Variants in WDFY3 observed in about 807,000 individuals in gnomAD.
WDFY3 encodes WD repeat and FYVE domain containing 3.
Under a neutral mutation model 409.6 loss-of-function variants are expected in WDFY3, and 66 were observed. The ratio of observed to expected loss-of-function variants is 0.16; its 90% CI spans 0.13 to 0.20. WDFY3 has a LOEUF of 0.20. Among genes scored for constraint, WDFY3 ranks in the 10% least tolerant of loss-of-function variants. The probability of loss-of-function intolerance (pLI) is 1.00; values close to 1 mark genes in which losing one functional copy is unlikely to be tolerated. For synonymous variants in WDFY3, 1,521 were observed against 1,537.1 expected, an observed-to-expected ratio of 0.99 and a Z score of 0.25; for missense variants, 3,031 against 4,298.1, an observed-to-expected ratio of 0.71 and a Z score of 8.24.
rs1441946454 is a variant in WDFY3 at position 84,892,545 on chromosome 4, A to G, written c.-32+4366T>C. Among the ~76,000 whole-genome samples the G allele has an allele frequency of 3.9e-5, 6 of 152,322 alleles. No individual in the cohort carries two copies. The East Asian group carries it at 1.2e-3, about 29-fold the overall frequency. ...TTCCTATGCATCAGGTTCAAAATAAAGACCACTTATTGCTATTGGCTGATA... is the reference window on the plus strand; with the variant it reads ...TTCCTATGCATCAGGTTCAAAATAAGGACCACTTATTGCTATTGGCTGATA... On this transcript the variant is annotated intron_variant, in intron 3 of 67. Transcript: ENST00000295888.
rs760196866 is a variant in WDFY3, at chr4:84,721,548, C to T, written c.7466G>A (p.Arg2489His). 6 of 1,607,998 alleles carry T rather than the reference C, an allele frequency of 3.7e-6. No homozygotes were observed. Among genetic ancestry groups the T allele is most frequent in the African/African-American group, 1.3e-5 (1 of 74,876 alleles). ...VKGLVKPPLK[R>H]SRSAPDGGDE... Reference sequence around the variant, plus strand: ...TCCTCCATCAGGTGCAGATCGGGAGCGTTTTAGAGGAGGCTTGACCAAACC... The same window carrying T: ...TCCTCCATCAGGTGCAGATCGGGAGTGTTTTAGAGGAGGCTTGACCAAACC... The change falls in exon 47 of 68, where the codon CGC (arginine) becomes CAC (histidine). Residue 2489 changes from arginine to histidine, a missense_variant. By Grantham distance (29) the Arg-to-His change is conservative (BLOSUM62 0). Coordinates refer to ENST00000295888, the MANE Select transcript of WDFY3 (RefSeq NM_014991.6).
At chr4:84,726,177 C>G (rs982755298) in intron 45 of WDFY3, among the ~76,000 whole-genome samples, 5 of 152,022 alleles carry the variant, frequency 3.3e-5, no homozygotes, top group African/African-American at 1.2e-4. Context: ...ATGGGCAAGA[C>G]AATGAATTAA....
At position 84,796,540 on chromosome 4, in the gene WDFY3, T is replaced by C; in HGVS notation, c.3148A>G (p.Thr1050Ala). ...TCTTACCCAAACCCTTCAAGTGATG[T>C]GTCAAATTCAACAAAAGCTGGAGTA... The part of the protein sequence containing the change: ...SVTPAFVEFD[T>A]SLEGFGCLFL... The change falls in exon 19 of 68, where the codon ACA becomes GCA. Residue 1050 changes from threonine (T) to alanine (A), a missense_variant. Thr to Ala is a moderately conservative substitution (Grantham distance 58). Transcript: ENST00000295888. 1 of 1,596,640 alleles carries C rather than the reference T, an allele frequency of 6.3e-7. No homozygotes were observed. The highest frequency in any genetic ancestry group is 8.5e-7 in the Non-Finnish European group (1 of 1,170,078).
intron 47 of WDFY3, 91 bp from the exon 48 acceptor site, chr4:84,718,661 T>C: frequency 7.0e-7 from 1 of 1,423,414 alleles, no homozygotes; most frequent in East Asian, 2.3e-5. Flanking sequence ...GAGCTAAGCA[T>C]ATTAAATCAG....
At chr4:84,954,695 A>T (rs977335709) in intron 1 of WDFY3, among the ~76,000 whole-genome samples, 1 of 152,232 alleles carries the variant, frequency 6.6e-6, no homozygotes, top group Non-Finnish European at 1.5e-5. Context: ...ATGTTTACTG[A>T]AAGTCAATCA....
Position 84,678,210 on chromosome 4 carries a change from T to C in WDFY3, c.10217A>G (p.Asp3406Gly). ...LTMHTAFDRK[D>G]NAHPAEVTAL... ...AGTGACCTCAGCTGGGTGTGCATTG[T>C]CCTTTCGATCAAAGGCTGTGTGCAT... The change falls in exon 66 of 68, where the codon GAC (aspartate) becomes GGC (glycine). Residue 3406 changes from aspartate (D) to glycine (G), a missense_variant. This residue lies in a region of WDFY3 where 378 missense variants were observed against 477.3 expected (regional missense o/e 0.79). Transcript: ENST00000295888. 2 of 1,614,128 alleles carry C rather than the reference T, an allele frequency of 1.2e-6. No homozygotes were observed. Among genetic ancestry groups the C allele is most frequent in the South Asian group, 1.1e-5 (1 of 91,090 alleles).
At chr4:84,721,305 C>A in intron 47 of WDFY3, 104 bp downstream of exon 47, 2 of 1,450,186 alleles carry the variant, frequency 1.4e-6, no homozygotes, top group Non-Finnish European at 1.9e-6. Flanking sequence ...ATTTTATTAC[C>A]GAGGCTAATG....
chr4:84,797,860 C>T (rs1361383046), intron 18 of WDFY3, 136 bp downstream of exon 18: 7 of 747,390 alleles, frequency 9.4e-6, no homozygotes, highest in East Asian at 6.1e-5. Flanking sequence ...CGTGAGCCAC[C>T]GCGCCGGGCC....
chr4:84,683,606 C>G (rs1727775300), intron 63 of WDFY3, among the ~76,000 whole-genome samples: 1 of 152,124 alleles, frequency 6.6e-6, no homozygotes, highest in South Asian at 2.1e-4. Flanking sequence ...TATGTTTTCC[C>G]TACGAAGCCA....
intron 67 of WDFY3, among the ~76,000 whole-genome samples, chr4:84,676,752 G>A (rs1578094198): frequency 6.6e-6 from 1 of 152,076 alleles, no homozygotes; most frequent in South Asian, 2.1e-4. Flanking sequence ...TTACAGAAGG[G>A]CAAAAACAGT....
intron 36 of WDFY3, among the ~76,000 whole-genome samples, chr4:84,749,257 A>G (rs1437235246): frequency 6.6e-6 from 1 of 152,188 alleles, no homozygotes; most frequent in Non-Finnish European, 1.5e-5. Context: ...TCATATGTTT[A>G]TAATTTATTC....
At chr4:84,789,968 C>T in intron 21 of WDFY3, 61 bp from the exon 22 acceptor site, 1 of 1,533,804 alleles carries the variant, frequency 6.5e-7, no homozygotes, top group Non-Finnish European at 9.0e-7. Context: ...TCAAATTATT[C>T]ATATCTAGAT....
At chr4:84,881,664 A>G (rs1485943200) in intron 3 of WDFY3, among the ~76,000 whole-genome samples, 1 of 152,100 alleles carries the variant, frequency 6.6e-6, no homozygotes, top group African/African-American at 2.4e-5. Context: ...AGGCAAGCTG[A>G]TGGCTTGAGC....
intron 21 of WDFY3, among the ~76,000 whole-genome samples, chr4:84,790,392 A>G (rs1374129545): frequency 6.6e-6 from 1 of 152,140 alleles, no homozygotes; most frequent in Non-Finnish European, 1.5e-5. Flanking sequence ...TGCAGACAGA[A>G]GATACCTTAT....
At chr4:84,838,969 T>C (rs1269425588) in intron 6 of WDFY3, among the ~76,000 whole-genome samples, 1 of 152,190 alleles carries the variant, frequency 6.6e-6, no homozygotes, top group Non-Finnish European at 1.5e-5. Context: ...GTAACACTGC[T>C]ACCAGCAGAA....
intron 1 of WDFY3, among the ~76,000 whole-genome samples, chr4:84,961,514 T>C (rs909424115): frequency 6.6e-5 from 10 of 152,190 alleles, no homozygotes; most frequent in Admixed American, 2.0e-4. Flanking sequence ...AGCTAAGCAT[T>C]AGAATAATTC....
At chr4:84,961,169 C>T (rs1774870273) in intron 1 of WDFY3, among the ~76,000 whole-genome samples, 2 of 146,946 alleles carry the variant, frequency 1.4e-5, no homozygotes, top group Middle Eastern at 3.6e-3. Flanking sequence ...GAGCTGAGAT[C>T]ATGCCACTGC....
At position 84,678,301 on chromosome 4, in the gene WDFY3, C is replaced by T. The variant is rs183054339; in HGVS notation, c.10148-22G>A. 2,802 of 1,569,240 alleles carry T rather than the reference C, an allele frequency of 1.8e-3. 5 individuals are homozygous for T. Among genetic ancestry groups the T allele is most frequent in the Admixed American group, 3.0e-3 (179 of 59,954 alleles). On this transcript the variant is annotated intron_variant, in intron 65 of 67. Coordinates refer to ENST00000295888, the MANE Select transcript of WDFY3 (RefSeq NM_014991.6). ...TACCCTGGAATGGAGAAGTGGAGGA[C>T]ACAACATAACTCAACTGAGAGAAGC...
In WDFY3 at chr4:84,767,656, G is replaced by A. The variant is rs533726439; in HGVS notation, c.4850-1284C>T. On this transcript the variant is annotated intron_variant, in intron 30 of 67. Coordinates refer to ENST00000295888, the MANE Select transcript of WDFY3 (RefSeq NM_014991.6). ...AAAAAAGAAAAGAAACAGCCTTATT[G>A]CTGATAGAAAGTTTTACTGGTCTAG... 4.0e-5 allele frequency among the ~76,000 whole-genome samples: 6 copies of A among 151,620 alleles called. No homozygotes were observed. The East Asian group carries it at 1.2e-3, about 29-fold the overall frequency.
Sources: allele counts gnomAD v4.1 joint callset (sites outside exome capture counted in the v4.1 genomes callset), GRCh38; gene constraint gnomAD v4.1.1; regional missense constraint gnomAD v4.1.1; transcripts MANE v1.5; gene names NCBI Gene and HGNC (gene_info 2026-07-23, HGNC 2026-07-21).